The following ASS1 variants were observed in gnomAD, a reference collection of about 807,000 sequenced individuals.
The protein encoded by ASS1 is argininosuccinate synthase.
Under a neutral mutation model 60.5 loss-of-function variants are expected in ASS1, and 58 were observed. The observed-to-expected ratio is 0.96, with a 90% CI of 0.78 to 1.19. The LOEUF (loss-of-function observed/expected upper bound fraction) is 1.19. ASS1 is among the 50% of genes most tolerant of loss of function. ASS1 has a pLI of 0.00. For synonymous variants in ASS1, 200 were observed against 206.9 expected (o/e 0.97, Z 0.29); for missense variants, 454 against 547.3 (o/e 0.83, Z 1.70).
intron 2 of ASS1, among the ~76,000 whole-genome samples, chr9:130,453,308 A>C (rs766647497): frequency 7.2e-5 from 11 of 152,234 alleles, no homozygotes; most frequent in Non-Finnish European, 1.5e-4. Flanking sequence ...TCCACCCAGG[A>C]AAGAAGGTTC....
At chr9:130,445,563 G>A (rs1378024805) in intron 1 of ASS1, among the ~76,000 whole-genome samples, 5 of 152,162 alleles carry the variant, frequency 3.3e-5, no homozygotes, top group Non-Finnish European at 7.4e-5. Context: ...GCAGGGGGCG[G>A]CAGCCACCTG....
chr9:130,492,262 CAAAT>C (rs1341128295), intron 12 of ASS1, among the ~76,000 whole-genome samples: 1 of 152,136 alleles, frequency 6.6e-6, no homozygotes, highest in Non-Finnish European at 1.5e-5. Flanking sequence ...CCCCTCCTGT[CAAAT>C]AAAGGGCACC....
intron 11 of ASS1, among the ~76,000 whole-genome samples, chr9:130,484,309 C>A (rs1399514375): frequency 1.3e-5 from 2 of 152,148 alleles, no homozygotes. Context: ...ATTGCTCATT[C>A]TGCCTAACCT....
At chr9:130,465,209 T>TG (rs1720249976) in intron 5 of ASS1, among the ~76,000 whole-genome samples, 1 of 151,944 alleles carries the variant, frequency 6.6e-6, no homozygotes, top group South Asian at 2.1e-4. Context: ...CCACCACACC[T>TG]GGGGTTTCAG....
chr9:130,456,832 A>G (rs1845461051), intron 3 of ASS1, among the ~76,000 whole-genome samples: 1 of 152,040 alleles, frequency 6.6e-6, no homozygotes, highest in African/African-American at 2.4e-5. Context: ...AGGCTGAGGC[A>G]GGAGAATCAC....
chr9:130,490,932 G>A (rs1043783218), intron 12 of ASS1, among the ~76,000 whole-genome samples: 2 of 152,142 alleles, frequency 1.3e-5, no homozygotes, highest in African/African-American at 4.8e-5. Context: ...GCCTGAGGCC[G>A]ATCCTCACAT....
At chr9:130,499,382 T>C (rs2118893093) in intron 13 of ASS1, 123 bp from the exon 14 acceptor site, 1 of 1,016,660 alleles carries the variant, frequency 9.8e-7, no homozygotes, top group South Asian at 1.4e-5. Flanking sequence ...AGGGAGGGTT[T>C]GGACCCACAC....
chr9:130,471,029 C>A (rs987386981), intron 7 of ASS1, 125 bp downstream of exon 7: 46 of 1,137,744 alleles, frequency 4.0e-5, no homozygotes, highest in Non-Finnish European at 6.1e-5. Context: ...AGCTGAGAGG[C>A]CTCAGGCAGG....
At chr9:130,451,982 G>T (rs770706340) in intron 1 of ASS1, 4 of 657,782 alleles carry the variant, frequency 6.1e-6, no homozygotes, top group Non-Finnish European at 1.1e-5. Flanking sequence ...ACCAGCCTAG[G>T]ACTGCAGTCA....
At position 130,470,890 on chromosome 9, in the gene ASS1, C is replaced by G; in HGVS notation, c.552C>G (p.Asn184Lys). ...TPKNPWSMDE[N>K]LMHISYEAGI... ...AGAACCCGTGGAGCATGGATGAGAA[C>G]CTCATGCACATCAGGTAAATCCCAC... is the stretch of plus-strand genomic sequence containing the variant. The change falls in exon 7 of 15, where the codon AAC (asparagine) becomes AAG (lysine). Residue 184 changes from asparagine (N) to lysine (K), a missense_variant. Transcript: ENST00000352480. This position sits in a 1 kb window ranked among gnomAD's most constrained non-coding sequence, Gnocchi z 4.3. 1 of 1,614,042 alleles carries G rather than the reference C, an allele frequency of 6.2e-7. No homozygotes were observed. Among genetic ancestry groups the G allele is most frequent in the Non-Finnish European group, 8.5e-7 (1 of 1,179,966 alleles).
At chr9:130,474,868 T>C (rs536799151) in intron 8 of ASS1, among the ~76,000 whole-genome samples, 13 of 152,328 alleles carry the variant, frequency 8.5e-5, no homozygotes, top group African/African-American at 2.4e-4. Flanking sequence ...CTGTGGTCCA[T>C]AGAGGCATCA....
chr9:130,495,153 A>G (rs1846552261), intron 13 of ASS1, 130 bp downstream of exon 13: 1 of 1,286,072 alleles, frequency 7.8e-7, no homozygotes. Flanking sequence ...GTCACAGAGG[A>G]TATAGACACC....
At chr9:130,464,406 C>T (rs556454448) in intron 5 of ASS1, among the ~76,000 whole-genome samples, 88 of 152,274 alleles carry the variant, frequency 5.8e-4, no homozygotes, top group African/African-American at 1.4e-3. Context: ...TGCTGGGGCA[C>T]GGGATAGAAA....
At chr9:130,448,626 C>T (rs1032085582) in intron 1 of ASS1, among the ~76,000 whole-genome samples, 14 of 152,142 alleles carry the variant, frequency 9.2e-5, no homozygotes, top group African/African-American at 3.1e-4. Flanking sequence ...TGTGGTGGCA[C>T]GATCTTGGCT....
chr9:130,470,762 AG>A lies in ASS1; in HGVS notation c.496-69del. On this transcript the variant is annotated intron_variant, in intron 6 of 14. Coordinates refer to ENST00000352480, the MANE Select transcript of ASS1 (RefSeq NM_054012.4). This position sits in a 1 kb window ranked among gnomAD's most constrained non-coding sequence, Gnocchi z 4.3. ...AGAGTTTGGGGCTCTCTGAAAAAGC[AG>A]GGCCCCTGGGACGGACCTCACGCGT... 3 of 1,447,224 alleles carry A rather than the reference AG, an allele frequency of 2.1e-6. No individual in the cohort carries two copies. The highest frequency in any genetic ancestry group is 2.9e-6 in the Non-Finnish European group (3 of 1,029,546). 89.6% of individuals were successfully genotyped at this position (1,447,224 alleles called of 1,614,324 possible).
chr9:130,458,610 C>T (rs377377717), intron 4 of ASS1, 21 bp downstream of exon 4: 18 of 1,608,852 alleles, frequency 1.1e-5, no homozygotes, highest in Non-Finnish European at 1.4e-5. Flanking sequence ...TGGGAAGGGC[C>T]GGGCAGAGGG....
rs142258550 is a variant in ASS1 at position 130,474,284 on chromosome 9, C to T, written c.598-2587C>T. ...TAATCGGCGCTGTCAGGTGCCTGCC[C>T]GACAGCTGCCTCTGACTTCCGCTGC... On this transcript the variant is annotated intron_variant, in intron 8 of 14. Transcript: ENST00000352480. 8.2e-3 allele frequency among the ~76,000 whole-genome samples: 1,252 copies of T among 152,216 alleles called. 9 individuals are homozygous for T. The highest frequency in any genetic ancestry group is 0.034 in the Middle Eastern group (10 of 294).
chr9:130,471,904 G>C (rs975813082), intron 8 of ASS1, among the ~76,000 whole-genome samples: 7 of 152,228 alleles, frequency 4.6e-5, no homozygotes, highest in African/African-American at 1.7e-4. Context: ...TGGTTGTGGG[G>C]GGTGGGGGGA....
intron 9 of ASS1, 115 bp from the exon 10 acceptor site, chr9:130,479,601 A>C: frequency 1.2e-6 from 1 of 851,002 alleles, no homozygotes; most frequent in East Asian, 2.4e-5. Context: ...TTTGGAGTCC[A>C]TATCTGTCAC....
Sources: gnomAD v4.1 joint callset for allele counts (sites outside exome capture counted in the v4.1 genomes callset) on GRCh38, gnomAD v4.1.1 for gene constraint, Gnocchi (gnomAD v3.1) non-coding constraint, MANE v1.5 for transcripts, NCBI Gene and HGNC (gene_info 2026-07-23, HGNC 2026-07-21) for gene names.